The following ZBTB24 variants were observed in gnomAD, a reference collection of about 807,000 sequenced individuals.
The protein encoded by ZBTB24 is zinc finger and BTB domain containing 24.
Under a neutral mutation model 53.8 loss-of-function variants are expected in ZBTB24, and 32 were observed. That is an observed-to-expected ratio of 0.60 (90% CI 0.45 to 0.80). The LOEUF is 0.80. ZBTB24 is among the 30% of genes least tolerant of loss of function. The pLI, the probability that ZBTB24 is intolerant of heterozygous loss-of-function variation, is 0.00. For missense variants in ZBTB24, 722 were observed against 837.1 expected (o/e 0.86, Z 1.70); for synonymous variants, 297 against 306.7 (o/e 0.97, Z 0.33).
Position 109,467,687 on chromosome 6 carries a change from T to C in ZBTB24, c.1336A>G (p.Lys446Glu). 16 of 1,614,112 alleles carry C rather than the reference T, an allele frequency of 9.9e-6. No individual in the cohort carries two copies. Among genetic ancestry groups the C allele is most frequent in the Non-Finnish European group, 1.1e-5 (13 of 1,180,018 alleles). The change falls in exon 6 of 7, where the codon AAG becomes GAG. Residue 446 changes from lysine (K) to glutamate (E), a missense_variant. Physicochemically the swap from Lys to Glu is moderately conservative, Grantham distance 56 (BLOSUM62 1). Coordinates refer to ENST00000230122, the MANE Select transcript of ZBTB24 (RefSeq NM_014797.3). ...CTGATGTGGGTCTGAAGAGAACTCT[T>C]TGCTGTGAAAGATTTGCCACAGATT... is the stretch of plus-strand genomic sequence containing the variant. ...CEICGKSFTA[K>E]SSLQTHIRIH...
rs966688804 is a variant in ZBTB24, at chr6:109,464,294, T to C, written c.*1557A>G. On this transcript the variant is annotated 3_prime_UTR_variant, in exon 7 of 7. Coordinates refer to ENST00000230122, the MANE Select transcript of ZBTB24 (RefSeq NM_014797.3). ...TAGCAAATATGCAACCAAAATGTTT[T>C]TATCTTCTCTCAAACCTGAAGAATT... 6.6e-6 allele frequency: 1 copy of C among 152,218 alleles called. No homozygotes were observed. The highest frequency in any genetic ancestry group is 1.5e-5 in the Non-Finnish European group (1 of 68,034). 9.4% of individuals were successfully genotyped at this position (152,218 alleles called of 1,614,324 possible). A position where few individuals can be genotyped will look rare whatever the true frequency, so the allele number is the denominator to read the frequency against.
At chr6:109,480,435 AC>A (rs1266954753) in intron 2 of ZBTB24, among the ~76,000 whole-genome samples, 1 of 152,218 alleles carries the variant, frequency 6.6e-6, no homozygotes, top group Non-Finnish European at 1.5e-5. Context: ...CACGCTAGCC[AC>A]AGTTCAAGTG....
chr6:109,480,887 T>C (rs2115365969), intron 2 of ZBTB24, 188 bp downstream of exon 2: 1 of 1,362,518 alleles, frequency 7.3e-7, no homozygotes, highest in Non-Finnish European at 9.7e-7. Flanking sequence ...ATGATTTTAA[T>C]CATACAATGT....
chr6:109,479,957 T>C (rs1359944445), intron 2 of ZBTB24, among the ~76,000 whole-genome samples: 2 of 141,168 alleles, frequency 1.4e-5, no homozygotes, highest in Non-Finnish European at 3.1e-5. Context: ...AAATATAACC[T>C]ATTACAGTTC....
intron 6 of ZBTB24, 124 bp downstream of exon 6, chr6:109,467,529 A>C: frequency 3.2e-6 from 5 of 1,565,374 alleles, no homozygotes; most frequent in Non-Finnish European, 4.3e-6. Flanking sequence ...CAAAGTAATA[A>C]ACTGCACACA....
chr6:109,471,769 C>T (rs1387588029), intron 5 of ZBTB24, among the ~76,000 whole-genome samples: 9 of 152,228 alleles, frequency 5.9e-5, no homozygotes, highest in Admixed American at 2.0e-4. Context: ...GGTGTAATCC[C>T]TCTATTGAGT....
intron 5 of ZBTB24, 81 bp downstream of exon 5, chr6:109,475,318 G>A (rs1343748341): frequency 4.0e-6 from 6 of 1,503,000 alleles, no homozygotes; most frequent in Non-Finnish European, 5.6e-6. Context: ...CACAGGCTTA[G>A]CAGGGCACTC....
intron 5 of ZBTB24, among the ~76,000 whole-genome samples, chr6:109,474,085 CA>C (rs56295486): frequency 0.41 from 42,234 of 103,480 alleles, 5,852 homozygotes; most frequent in Middle Eastern, 0.52. Context: ...ACAGTGACTC[CA>C]AAAAAAAAAA....
At chr6:109,468,097 C>G (rs555227597) in intron 5 of ZBTB24, among the ~76,000 whole-genome samples, 2 of 152,212 alleles carry the variant, frequency 1.3e-5, no homozygotes, top group East Asian at 3.9e-4. Context: ...CCACTTGACC[C>G]TGAAAGGACT....
chr6:109,478,281 G>C (rs9480965), intron 2 of ZBTB24, among the ~76,000 whole-genome samples: 7,655 of 152,280 alleles, frequency 0.05, 205 homozygotes, highest in South Asian at 0.09. Context: ...TAGATTAAAA[G>C]AAGTTAATCA....
At position 109,467,543 on chromosome 6, in the gene ZBTB24, T is replaced by C. The variant is rs968781904; in HGVS notation, c.1370+110A>G. ...CCAAAGTAATAAACTGCACACAAAA[T>C]TCTGCAAAGTAACAACTGGGAGAAA... On this transcript the variant is annotated intron_variant, in intron 6 of 6. Transcript: ENST00000230122. The C allele has an allele frequency of 2.1e-5, 33 of 1,582,032 alleles. No individual in the cohort carries two copies. The Admixed American group carries it at 2.2e-4, about 10-fold the overall frequency.
intron 5 of ZBTB24, among the ~76,000 whole-genome samples, chr6:109,469,101 GCTGTAACAA>G (rs1776114130): frequency 6.6e-6 from 1 of 152,190 alleles, no homozygotes; most frequent in African/African-American, 2.4e-5. Flanking sequence ...GCAGAGGACA[GCTGTAACAA>G]CTCGGATGAA....
chr6:109,479,546 G>A (rs1776353110), intron 2 of ZBTB24, among the ~76,000 whole-genome samples: 4 of 152,230 alleles, frequency 2.6e-5, no homozygotes. Flanking sequence ...GAGGACATAA[G>A]GGAAGAACGA....
intron 2 of ZBTB24, 173 bp downstream of exon 2, chr6:109,480,902 T>A: frequency 1.4e-6 from 2 of 1,418,130 alleles, no homozygotes; most frequent in East Asian, 2.4e-5. Flanking sequence ...CAATGTATAA[T>A]GAGGATATTA....
intron 2 of ZBTB24, among the ~76,000 whole-genome samples, 193 bp from the exon 3 acceptor site, chr6:109,477,123 C>T (rs1284243045): frequency 6.6e-6 from 1 of 152,142 alleles, no homozygotes; most frequent in Admixed American, 6.5e-5. Flanking sequence ...GTGAGTAGCA[C>T]TAACATAACC....
rs763532224 is a variant in ZBTB24, at chr6:109,465,960, G to A, written c.1985C>T (p.Thr662Ile). ...GTGCTGAGCTGGATCTGAAGTACTT[G>A]TAGCTAAATGGAGCTCCTCTGTTTG... is the stretch of plus-strand genomic sequence containing the variant. ...QEQTEELHLA[T>I]STSDPAQHLQ... Residue 662 changes from threonine (T) to isoleucine (I), a missense_variant, in exon 7 of 7, where the codon ACA (threonine) becomes ATA (isoleucine). Thr to Ile is a moderately conservative substitution (Grantham distance 89). Coordinates refer to ENST00000230122, the MANE Select transcript of ZBTB24 (RefSeq NM_014797.3). 38 of 1,614,102 alleles carry A rather than the reference G, an allele frequency of 2.4e-5. No individual in the cohort carries two copies. The highest frequency in any genetic ancestry group is 3.2e-5 in the Non-Finnish European group (38 of 1,180,052).
Position 109,481,216 on chromosome 6 carries a change from C to T in ZBTB24, c.811G>A (p.Gly271Arg), listed in dbSNP as rs758167480. 3.7e-6 allele frequency: 6 copies of T among 1,614,080 alleles called. No individual in the cohort carries two copies. Among genetic ancestry groups the T allele is most frequent in the African/African-American group, 1.3e-5 (1 of 74,938 alleles). Residue 271 changes from glycine (G) to arginine (R), a missense_variant, in exon 2 of 7, where the codon GGG becomes AGG. By Grantham distance (125) the Gly-to-Arg change is moderately radical. Coordinates refer to ENST00000230122, the MANE Select transcript of ZBTB24 (RefSeq NM_014797.3). ...GCTGAACCATGGTCCTCTTGATCCC[C>T]AACAAGTTTGTAATCTTTAAGTTTG... is the stretch of plus-strand genomic sequence containing the variant. ...SVKLKDYKLV[G>R]DQEDHGSAKR...
chr6:109,475,365 G>A (rs758446262), intron 5 of ZBTB24, 34 bp downstream of exon 5: 27 of 1,612,206 alleles, frequency 1.7e-5, no homozygotes, highest in Non-Finnish European at 2.2e-5. Context: ...AAAACATCCC[G>A]TGTACTGGGG....
At chr6:109,483,014 G>A (rs984430224) in intron 1 of ZBTB24, 84 bp downstream of exon 1, 3 of 152,218 alleles carry the variant, frequency 2.0e-5, no homozygotes, top group Admixed American at 6.5e-5. Context: ...GGCCCGACTG[G>A]GGAGCACACG....
Sources: gnomAD v4.1 joint callset for allele counts (sites outside exome capture counted in the v4.1 genomes callset) on GRCh38, gnomAD v4.1.1 for gene constraint, MANE v1.5 for transcripts, NCBI Gene and HGNC (gene_info 2026-07-23, HGNC 2026-07-21) for gene names.